ATXN1: variants seen among roughly 807,000 people sequenced by gnomAD.
ATXN1 encodes ataxin 1.
ATXN1 carries 8 observed loss-of-function variants against 56.4 expected under a neutral mutation model. The ratio of observed to expected loss-of-function variants is 0.14; its 90% CI spans 0.08 to 0.26. The LOEUF (loss-of-function observed/expected upper bound fraction) is 0.26, where lower values mean the gene tolerates loss of function less well. ATXN1 is among the 10% of genes least tolerant of loss of function. The pLI is 1.00. For missense variants in ATXN1, 987 were observed against 1,106.5 expected (o/e 0.89, Z 1.53); for synonymous variants, 514 against 494.6 (o/e 1.04, Z -0.52).
chr6:16,614,952 T>C (rs1763180591), intron 3 of ATXN1: 1 of 151,106 alleles, frequency 6.6e-6, no homozygotes, highest in South Asian at 2.1e-4. Context: ...TAAAATAAAA[T>C]AATATAAATA....
chr6:16,404,804 G>A (rs1465499939), intron 6 of ATXN1, among the ~76,000 whole-genome samples: 1 of 152,128 alleles, frequency 6.6e-6, no homozygotes, highest in Non-Finnish European at 1.5e-5. Flanking sequence ...CTGGGAGTCC[G>A]ACTGAGAGCA....
rs376581013 is a variant in ATXN1 at position 16,604,588 on chromosome 6, C to CTT, written c.-488-18683_-488-18682dup. Among the ~76,000 whole-genome samples, 451 of 132,684 alleles carry CTT rather than the reference C, an allele frequency of 3.4e-3. 4 individuals are homozygous for CTT. Among genetic ancestry groups the CTT allele is most frequent in the African/African-American group, 0.011 (406 of 36,362 alleles). The allele number at this position is 132,684 out of a possible 152,430, so 87.0% of individuals were successfully genotyped here. On this transcript the variant is annotated intron_variant, in intron 3 of 7. Coordinates refer to ENST00000436367, the MANE Select transcript of ATXN1 (RefSeq NM_001128164.2). Reference sequence around the variant, plus strand: ...CAGACAACTGGATTTTGTTTCTCTTCTTTTTTTTTTTTTTTTTTAGACAGG... The same window carrying CTT: ...CAGACAACTGGATTTTGTTTCTCTTCTTTTTTTTTTTTTTTTTTTTAGACAGG...
intron 5 of ATXN1, among the ~76,000 whole-genome samples, chr6:16,494,193 T>C (rs892988439): frequency 1.3e-5 from 2 of 151,374 alleles, no homozygotes; most frequent in South Asian, 2.1e-4. Context: ...TCAAGAAGAG[T>C]TGGAGGGAGG....
intron 4 of ATXN1, among the ~76,000 whole-genome samples, chr6:16,566,622 G>A (rs949177679): frequency 2.8e-4 from 42 of 152,196 alleles, no homozygotes; most frequent in Non-Finnish European, 4.9e-4. Flanking sequence ...GGGAGGCCAC[G>A]GCGGGCGGAT....
rs1282840152 is a variant in ATXN1 at position 16,299,646 on chromosome 6, A to T, written c.*6683T>A. ...GAGGCATATGGTGGGTAATGATCTGATATTAAAACATCCAGTAGTACGAGT... is the reference window on the plus strand; with the variant it reads ...GAGGCATATGGTGGGTAATGATCTGTTATTAAAACATCCAGTAGTACGAGT... On this transcript the variant is annotated 3_prime_UTR_variant, in exon 8 of 8. Transcript: ENST00000436367. 6.6e-6 allele frequency: 1 copy of T among 150,592 alleles called. No homozygotes were observed. The highest frequency in any genetic ancestry group is 1.5e-5 in the Non-Finnish European group (1 of 67,996). 9.3% of individuals were successfully genotyped at this position (150,592 alleles called of 1,614,324 possible). A position where few individuals can be genotyped will look rare whatever the true frequency, so the allele number is the denominator to read the frequency against.
At chr6:16,339,834 G>C (rs1761205167) in intron 6 of ATXN1, among the ~76,000 whole-genome samples, 1 of 152,178 alleles carries the variant, frequency 6.6e-6, no homozygotes, top group African/African-American at 2.4e-5. Context: ...CCATGCTGTA[G>C]TGCAGTGGCG....
chr6:16,545,823 GT>G (rs1761804926), intron 4 of ATXN1, among the ~76,000 whole-genome samples: 1 of 152,222 alleles, frequency 6.6e-6, no homozygotes, highest in Admixed American at 6.5e-5. Context: ...AGTGAATGCA[GT>G]TGTATGTATA....
chr6:16,495,870 CAAAA>C (rs35083248), intron 5 of ATXN1, among the ~76,000 whole-genome samples: 1 of 106,826 alleles, frequency 9.4e-6, no homozygotes, highest in Non-Finnish European at 1.9e-5. Flanking sequence ...CTCTCTCTCT[CAAAA>C]AAAAAAAAAA....
At chr6:16,427,125 T>C (rs985648711) in intron 6 of ATXN1, among the ~76,000 whole-genome samples, 2 of 152,194 alleles carry the variant, frequency 1.3e-5, no homozygotes, top group Admixed American at 6.5e-5. Flanking sequence ...GCCATGCTTC[T>C]CTCCAGTACA....
At chr6:16,619,390 G>A (rs1022046230) in intron 3 of ATXN1, among the ~76,000 whole-genome samples, 4 of 152,176 alleles carry the variant, frequency 2.6e-5, no homozygotes, top group African/African-American at 9.7e-5. Flanking sequence ...AAAATTAAAT[G>A]CTAGATAAAT....
At chr6:16,674,862 A>T (rs1405192048) in intron 2 of ATXN1, among the ~76,000 whole-genome samples, 2 of 152,236 alleles carry the variant, frequency 1.3e-5, no homozygotes, top group Non-Finnish European at 2.9e-5. Flanking sequence ...CTAGAGAAAC[A>T]GATCATTTCC....
intron 3 of ATXN1, among the ~76,000 whole-genome samples, chr6:16,603,054 T>C (rs1245650970): frequency 6.6e-6 from 1 of 152,140 alleles, no homozygotes; most frequent in African/African-American, 2.4e-5. Context: ...TCTTTCTAAG[T>C]GCCGATAAAA....
At chr6:16,350,867 G>A (rs988641731) in intron 6 of ATXN1, among the ~76,000 whole-genome samples, 1 of 152,142 alleles carries the variant, frequency 6.6e-6, no homozygotes, top group African/African-American at 2.4e-5. Flanking sequence ...AGGACTATGT[G>A]AGGCCAGGAA....
chr6:16,511,300 T>C (rs889820013), intron 5 of ATXN1, among the ~76,000 whole-genome samples: 1 of 152,182 alleles, frequency 6.6e-6, no homozygotes, highest in Non-Finnish European at 1.5e-5. Context: ...ATCATCCTGA[T>C]TTCCAGGATT....
intron 2 of ATXN1, among the ~76,000 whole-genome samples, chr6:16,684,925 C>T (rs958783921): frequency 7.9e-5 from 12 of 151,274 alleles, no homozygotes; most frequent in Admixed American, 5.3e-4. Context: ...AGAGACTTCA[C>T]GGGAAACAAA....
intron 7 of ATXN1, among the ~76,000 whole-genome samples, chr6:16,322,294 G>A (rs1760672819): frequency 6.6e-6 from 1 of 152,144 alleles, no homozygotes; most frequent in Non-Finnish European, 1.5e-5. Flanking sequence ...TTAGAGAGGA[G>A]AGTGCTGCAG....
At chr6:16,701,699 C>G (rs1177347048) in intron 2 of ATXN1, among the ~76,000 whole-genome samples, 3 of 150,000 alleles carry the variant, frequency 2.0e-5, no homozygotes, top group Non-Finnish European at 4.4e-5. Context: ...AACAGACAAA[C>G]AGAGAGCCAA....
chr6:16,759,172 T>C (rs1025913913), intron 1 of ATXN1, among the ~76,000 whole-genome samples: 3 of 152,244 alleles, frequency 2.0e-5, no homozygotes, highest in Non-Finnish European at 4.4e-5. Context: ...GTGCAATATA[T>C]AACAATGATG....
rs1316331203 is a variant in ATXN1, at chr6:16,301,488, A to AAAAGT, written c.*4836_*4840dup. On this transcript the variant is annotated 3_prime_UTR_variant, in exon 8 of 8. Coordinates refer to ENST00000436367, the MANE Select transcript of ATXN1 (RefSeq NM_001128164.2). ...AATAGCAGATGCATGTGCTTTATAA[A>AAAAGT]AAAGTATATTCTCTGTATATTTATT... 1 of 152,650 alleles carries AAAAGT rather than the reference A, an allele frequency of 6.6e-6. No individual in the cohort carries two copies. The highest frequency in any genetic ancestry group is 2.4e-5 in the African/African-American group (1 of 41,462). The allele number at this position is 152,650 out of a possible 1,614,324, so 9.5% of individuals were successfully genotyped here. A position where few individuals can be genotyped will look rare whatever the true frequency, so the allele number is the denominator to read the frequency against.
Sources: allele counts gnomAD v4.1 joint callset (sites outside exome capture counted in the v4.1 genomes callset), GRCh38; gene constraint gnomAD v4.1.1; transcripts MANE v1.5; gene names NCBI Gene and HGNC (gene_info 2026-07-23, HGNC 2026-07-21).